Variants in TSPAN9 observed in about 807,000 individuals in gnomAD.
TSPAN9 encodes the protein tetraspanin 9, also known as tetraspanin-9.
TSPAN9 carries 16 observed loss-of-function variants against 31.0 expected under a neutral mutation model. The ratio of observed to expected loss-of-function variants is 0.52; its 90% CI spans 0.35 to 0.78. The LOEUF is 0.78. TSPAN9 is among the 30% of genes least tolerant of loss of function. TSPAN9 has a pLI of 0.01. For synonymous variants in TSPAN9, 145 were observed against 121.6 expected, an observed-to-expected ratio of 1.19 and a Z score of -1.27; for missense variants, 272 against 312.5, an observed-to-expected ratio of 0.87 and a Z score of 0.98.
chr12:3,124,094 A>G (rs1271426782), intron 2 of TSPAN9, among the ~76,000 whole-genome samples: 1 of 152,230 alleles, frequency 6.6e-6, no homozygotes, highest in African/African-American at 2.4e-5. Context: ...TATATGAGCA[A>G]CTAGTAGAAG....
At chr12:3,201,445 G>A (rs188625591) in intron 3 of TSPAN9, among the ~76,000 whole-genome samples, 189 bp downstream of exon 3, 94 of 152,018 alleles carry the variant, frequency 6.2e-4, no homozygotes, top group African/African-American at 1.9e-3. Flanking sequence ...CCTCTCTTTG[G>A]TGGCTGAATG....
intron 2 of TSPAN9, among the ~76,000 whole-genome samples, chr12:3,165,098 C>G (rs1352639702): frequency 1.3e-5 from 2 of 152,186 alleles, no homozygotes; most frequent in South Asian, 2.1e-4. Context: ...GGAAATGCCT[C>G]TCTGTGATCT....
At chr12:3,273,603 G>A (rs754563636) in intron 3 of TSPAN9, among the ~76,000 whole-genome samples, 6 of 152,154 alleles carry the variant, frequency 3.9e-5, no homozygotes, top group Admixed American at 1.3e-4. Flanking sequence ...TAAGCTCTCC[G>A]GCCCTGAGCT....
intron 2 of TSPAN9, among the ~76,000 whole-genome samples, chr12:3,089,517 G>T (rs56260115): frequency 6.6e-5 from 10 of 151,730 alleles, no homozygotes; most frequent in Admixed American, 1.3e-4. Flanking sequence ...GGGTGGTCTC[G>T]ATCTCCTGAC....
In TSPAN9 at chr12:3,101,624, T is replaced by C. The variant is rs567412991; in HGVS notation, c.-18+17905T>C. Among the ~76,000 whole-genome samples the C allele has an allele frequency of 5.3e-5, 8 of 152,274 alleles. No homozygotes were observed. The South Asian group carries it at 1.7e-3, about 32-fold the overall frequency. ...GTTTCCTGCCTAAAGTGGATTCTTC[T>C]CGGGCCTCACGGACTGGCTGCTACC... On this transcript the variant is annotated intron_variant, in intron 2 of 8. Transcript: ENST00000011898.
chr12:3,195,856 A>G (rs1361270406), intron 2 of TSPAN9, among the ~76,000 whole-genome samples: 1 of 152,082 alleles, frequency 6.6e-6, no homozygotes, highest in East Asian at 1.9e-4. Flanking sequence ...TCCCGAAGGT[A>G]CCACACTCAC....
At chr12:3,138,648 A>AC (rs2098333213) in intron 2 of TSPAN9, among the ~76,000 whole-genome samples, 2 of 151,436 alleles carry the variant, frequency 1.3e-5, no homozygotes, top group South Asian at 2.1e-4. Context: ...AAAAAAAAGG[A>AC]CTTTTTTTTC....
chr12:3,228,644 G>A (rs781671237), intron 3 of TSPAN9, among the ~76,000 whole-genome samples: 1 of 152,238 alleles, frequency 6.6e-6, no homozygotes, highest in Non-Finnish European at 1.5e-5. Context: ...GCAGCGCCCC[G>A]TTCTCCTTTC....
chr12:3,227,321 C>T (rs1385685738), intron 3 of TSPAN9, among the ~76,000 whole-genome samples: 1 of 152,174 alleles, frequency 6.6e-6, no homozygotes, highest in African/African-American at 2.4e-5. Flanking sequence ...GGCTGCGCAG[C>T]CTGGGCCATT....
At chr12:3,269,231 T>C (rs530265694) in intron 3 of TSPAN9, among the ~76,000 whole-genome samples, 4 of 29,838 alleles carry the variant, frequency 1.3e-4, no homozygotes, top group East Asian at 1.9e-3. Context: ...GCCCTCTCTG[T>C]GTTCCTGCAG....
At chr12:3,227,434 C>T (rs1327525478) in intron 3 of TSPAN9, among the ~76,000 whole-genome samples, 4 of 152,170 alleles carry the variant, frequency 2.6e-5, no homozygotes, top group Non-Finnish European at 5.9e-5. Context: ...GCTTCCTGGC[C>T]CTCTGAGACA....
intron 2 of TSPAN9, among the ~76,000 whole-genome samples, chr12:3,182,503 G>C (rs901721243): frequency 7.3e-5 from 11 of 151,342 alleles, no homozygotes; most frequent in Admixed American, 7.2e-4. Flanking sequence ...AGAAAAGTTG[G>C]CCGGGCTGCA....
intron 2 of TSPAN9, among the ~76,000 whole-genome samples, chr12:3,128,257 A>G (rs1426244356): frequency 6.6e-6 from 1 of 152,192 alleles, no homozygotes; most frequent in Non-Finnish European, 1.5e-5. Context: ...ATTATCTCAT[A>G]GATCCAGGGC....
intron 1 of TSPAN9, among the ~76,000 whole-genome samples, chr12:3,079,136 C>T (rs527794700): frequency 4.6e-5 from 7 of 152,062 alleles, no homozygotes; most frequent in African/African-American, 1.2e-4. Flanking sequence ...CGTGCCGCCA[C>T]GCCTTCTAAT....
At chr12:3,194,606 C>G (rs60151040) in intron 2 of TSPAN9, among the ~76,000 whole-genome samples, 1 of 152,102 alleles carries the variant, frequency 6.6e-6, no homozygotes, top group Non-Finnish European at 1.5e-5. Flanking sequence ...AGGTTCATCT[C>G]GAATTCCTGG....
intron 3 of TSPAN9, among the ~76,000 whole-genome samples, chr12:3,246,175 G>T (rs1354473617): frequency 6.6e-6 from 1 of 151,650 alleles, no homozygotes. Flanking sequence ...GCAGGAGCGG[G>T]TGAGATTGCG....
rs899416533 is a variant in TSPAN9 at position 3,223,028 on chromosome 12, G to C, written c.63+21772G>C. ...CACCGGGCAGGTGAGGGACCTGCAG[G>C]AGCCGAGTGCCTGAGCTGTCCTCCC... On this transcript the variant is annotated intron_variant, in intron 3 of 8. Transcript: ENST00000011898. 1.5e-4 allele frequency among the ~76,000 whole-genome samples: 23 copies of C among 152,224 alleles called. 1 individual carries two copies. The highest frequency in any genetic ancestry group is 1.5e-3 in the Admixed American group (23 of 15,286).
At position 3,165,747 on chromosome 12, in the gene TSPAN9, G is replaced by A. The variant is rs904968176; in HGVS notation, c.-17-35430G>A. On this transcript the variant is annotated intron_variant, in intron 2 of 8. Transcript: ENST00000011898. ...TCTTTGTGAGGCGCCCGTGAGATTA[G>A]CCACTGAGCAGAGGTTTAATTTATG... Among the ~76,000 whole-genome samples the A allele has an allele frequency of 3.9e-5, 6 of 152,200 alleles. No homozygotes were observed. The South Asian group carries it at 1.2e-3, about 32-fold the overall frequency.
At chr12:3,078,601 C>G (rs577614600) in intron 1 of TSPAN9, among the ~76,000 whole-genome samples, 5 of 152,224 alleles carry the variant, frequency 3.3e-5, no homozygotes, top group African/African-American at 1.2e-4. Context: ...AGGAATGCAG[C>G]CAGAGAGGCA....
Sources: allele counts gnomAD v4.1 joint callset (sites outside exome capture counted in the v4.1 genomes callset), GRCh38; gene constraint gnomAD v4.1.1; transcripts MANE v1.5; gene names NCBI Gene and HGNC (gene_info 2026-07-23, HGNC 2026-07-21).